Variants in CCNE2 observed in about 807,000 individuals in gnomAD.
The protein encoded by CCNE2 is G1/S-specific cyclin-E2.
Under a neutral mutation model 56.8 loss-of-function variants are expected in CCNE2, and 18 were observed. That is an observed-to-expected ratio of 0.32 (90% confidence interval 0.22 to 0.47). The LOEUF is 0.47. Among genes scored for constraint, CCNE2 ranks in the 20% least tolerant of loss-of-function variants. The pLI, the probability that CCNE2 is intolerant of heterozygous loss-of-function variation, is 1.00. For missense variants in CCNE2, 371 were observed against 467.1 expected (o/e 0.79, Z 1.90); for synonymous variants, 139 against 149.2 (o/e 0.93, Z 0.50).
In CCNE2 at chr8:94,893,939, G is replaced by C. The variant is rs758420955; in HGVS notation, c.117C>G (p.Val39=). The change falls in exon 4 of 12, where the codon GTC becomes GTG. Residue 39 remains valine (V), a synonymous_variant. Coordinates refer to ENST00000308108, the MANE Select transcript of CCNE2 (RefSeq NM_057749.3). ...QAKKRKTTQD[V]KKRREEVTKK... is the part of the protein sequence containing the mutation. ...TGGTGACCTCCTCTCTTCTTTTTTT[G>C]ACATCCTGGAAAATAGAAAAGACCA... 6.3e-6 allele frequency: 10 copies of C among 1,593,650 alleles called. No homozygotes were observed. Among genetic ancestry groups the C allele is most frequent in the African/African-American group, 2.7e-5 (2 of 73,318 alleles).
chr8:94,881,533 A>G lies in CCNE2; in HGVS notation c.*99T>C. Reference sequence around the variant, plus strand: ...TGTAACTTGTGAATTGGCTAGGGCAATCAATCACAGCACTACTTTCTGTAA... The same window carrying G: ...TGTAACTTGTGAATTGGCTAGGGCAGTCAATCACAGCACTACTTTCTGTAA... On this transcript the variant is annotated 3_prime_UTR_variant, in exon 12 of 12. Coordinates refer to ENST00000308108, the MANE Select transcript of CCNE2 (RefSeq NM_057749.3). The G allele has an allele frequency of 8.2e-7, 1 of 1,224,070 alleles. No individual in the cohort carries two copies. Among genetic ancestry groups the G allele is most frequent in the Non-Finnish European group, 1.1e-6 (1 of 871,112 alleles). 75.8% of individuals were successfully genotyped at this position (1,224,070 alleles called of 1,614,324 possible).
At chr8:94,893,580 T>C in intron 4 of CCNE2, 2 of 323,086 alleles carry the variant, frequency 6.2e-6, no homozygotes, top group Non-Finnish European at 1.1e-5. Context: ...TAGGACCGTC[T>C]ACTAGAGTCT....
chr8:94,890,281 A>G (rs1817182185), intron 6 of CCNE2, 134 bp downstream of exon 6: 1 of 671,242 alleles, frequency 1.5e-6, no homozygotes, highest in African/African-American at 1.9e-5. Context: ...GCAATCAACT[A>G]CAGTAAGTAC....
chr8:94,890,591 ATT>A (rs33988905), intron 5 of CCNE2, 41 bp from the exon 6 acceptor site: 116,798 of 304,902 alleles, frequency 0.38, 13,595 homozygotes, highest in East Asian at 0.49. Context: ...ATATATATAT[ATT>A]TTTTTTTTTT....
At chr8:94,886,802 T>G (rs1817056128) in intron 7 of CCNE2, among the ~76,000 whole-genome samples, 1 of 152,220 alleles carries the variant, frequency 6.6e-6, no homozygotes, top group African/African-American at 2.4e-5. Context: ...TCATGCAGTT[T>G]GGCTAACAGG....
At chr8:94,894,927 C>G (rs1411473817) in intron 1 of CCNE2, among the ~76,000 whole-genome samples, 1 of 152,152 alleles carries the variant, frequency 6.6e-6, no homozygotes, top group Non-Finnish European at 1.5e-5. Context: ...CTCTCTCCCA[C>G]GGGATAGCTC....
chr8:94,894,323 T>A (rs1180776749), intron 1 of CCNE2, 76 bp from the exon 2 acceptor site: 1 of 1,510,526 alleles, frequency 6.6e-7, no homozygotes, highest in African/African-American at 1.4e-5. Flanking sequence ...AGACGCTGAT[T>A]CGCAGGTGAA....
chr8:94,888,493 TACC>T (rs1817112610), intron 6 of CCNE2, among the ~76,000 whole-genome samples: 1 of 152,120 alleles, frequency 6.6e-6, no homozygotes, highest in Non-Finnish European at 1.5e-5. Flanking sequence ...CGTAAGTAGG[TACC>T]ATTATCCCCA....
chr8:94,881,130 T>A lies in CCNE2; in HGVS notation c.*502A>T, dbSNP rs1161802038. On this transcript the variant is annotated 3_prime_UTR_variant, in exon 12 of 12. Coordinates refer to ENST00000308108, the MANE Select transcript of CCNE2 (RefSeq NM_057749.3). ...GCAGCTATAGATAAATTAGTCACCT[T>A]ATTACAAAACTAAACCTTTGTAAAC... 2.5e-6 allele frequency: 1 copy of A among 395,914 alleles called. No homozygotes were observed. The highest frequency in any genetic ancestry group is 2.1e-5 in the African/African-American group (1 of 48,612). 24.5% of individuals were successfully genotyped at this position (395,914 alleles called of 1,614,324 possible).
intron 9 of CCNE2, among the ~76,000 whole-genome samples, chr8:94,884,356 T>C (rs11332105): frequency 3.5e-4 from 47 of 135,028 alleles, no homozygotes; most frequent in Admixed American, 1.7e-3. Flanking sequence ...TTTTTTTTTT[T>C]AATTTTTTGA....
At chr8:94,894,270 C>T in intron 1 of CCNE2, 23 bp from the exon 2 acceptor site, 1 of 1,610,758 alleles carries the variant, frequency 6.2e-7, no homozygotes, top group Non-Finnish European at 8.5e-7. Flanking sequence ...GAGGAAAAGC[C>T]GCAGTCAAGT....
At chr8:94,883,633 G>A in intron 9 of CCNE2, 1 of 246,824 alleles carries the variant, frequency 4.1e-6, no homozygotes, top group Non-Finnish European at 8.5e-6. Context: ...GAATTTTATA[G>A]GCTGATTCTT....
intron 6 of CCNE2, among the ~76,000 whole-genome samples, chr8:94,888,298 T>C: frequency 6.6e-6 from 1 of 152,210 alleles, no homozygotes; most frequent in Middle Eastern, 3.2e-3. Context: ...ATTTTTCATA[T>C]TTTACTGCAC....
intron 5 of CCNE2, chr8:94,891,743 A>G (rs1817252578): frequency 3.2e-6 from 3 of 936,366 alleles, no homozygotes; most frequent in East Asian, 4.9e-5. Context: ...TGACATTACA[A>G]TGGTGGAGTT....
At chr8:94,886,795 T>C (rs1377235892) in intron 7 of CCNE2, among the ~76,000 whole-genome samples, 2 of 152,194 alleles carry the variant, frequency 1.3e-5, no homozygotes, top group African/African-American at 2.4e-5. Flanking sequence ...AAATACTTCA[T>C]GCAGTTTGGC....
chr8:94,895,380 T>A, upstream of CCNE2: 1 of 424,406 alleles, frequency 2.4e-6, no homozygotes, highest in Non-Finnish European at 3.2e-6. Flanking sequence ...TGGGGTCCAC[T>A]CTACCGGGCC....
intron 5 of CCNE2, chr8:94,891,845 CAG>C: frequency 2.6e-6 from 4 of 1,529,822 alleles, no homozygotes; most frequent in South Asian, 1.1e-5. Flanking sequence ...CTTAAAAATG[CAG>C]AGAGTAATGC....
chr8:94,885,726 T>C (rs1482706265), intron 7 of CCNE2, among the ~76,000 whole-genome samples, 168 bp from the exon 8 acceptor site: 1 of 144,888 alleles, frequency 6.9e-6, no homozygotes, highest in Non-Finnish European at 1.5e-5. Context: ...ACATTTTCTT[T>C]CTTTTTTTTT....
intron 6 of CCNE2, among the ~76,000 whole-genome samples, chr8:94,889,444 A>G (rs1016021505): frequency 2.0e-5 from 3 of 152,248 alleles, no homozygotes; most frequent in Admixed American, 6.5e-5. Context: ...AAAAATTAAC[A>G]TAATTGTGCT....
Sources: gnomAD v4.1 joint callset for allele counts (sites outside exome capture counted in the v4.1 genomes callset) on GRCh38, gnomAD v4.1.1 for gene constraint, MANE v1.5 for transcripts, NCBI Gene and HGNC (gene_info 2026-07-23, HGNC 2026-07-21) for gene names.